Variants in KCNK10 observed in about 807,000 individuals in gnomAD.
KCNK10 encodes potassium channel subfamily K member 10.
In KCNK10, 25 loss-of-function variants were observed where a neutral mutation model predicts 47.7. The observed-to-expected ratio is 0.52, with a 90% CI of 0.38 to 0.73. The LOEUF (loss-of-function observed/expected upper bound fraction) is 0.73. Among genes scored for constraint, KCNK10 ranks in the 30% least tolerant of loss-of-function variants. The pLI, the probability that KCNK10 is intolerant of heterozygous loss-of-function variation, is 0.00. For synonymous variants in KCNK10, 303 were observed against 285.6 expected (o/e 1.06, Z -0.61); for missense variants, 563 against 714.5 (o/e 0.79, Z 2.42).
intron 1 of KCNK10, among the ~76,000 whole-genome samples, chr14:88,268,997 G>T (rs1887340869): frequency 2.0e-5 from 3 of 152,264 alleles, no homozygotes; most frequent in Admixed American, 6.5e-5. Flanking sequence ...AATTAGCCGG[G>T]TATGGTGGCA....
chr14:88,295,653 C>T (rs1024301325), intron 1 of KCNK10, among the ~76,000 whole-genome samples: 9 of 151,942 alleles, frequency 5.9e-5, no homozygotes, highest in African/African-American at 2.2e-4. Context: ...GAGCTAGACT[C>T]CATCTCAAAA....
In KCNK10 at chr14:88,263,315, C is replaced by A; in HGVS notation, c.289G>T (p.Ala97Ser). Residue 97 changes from alanine (A) to serine (S), a missense_variant, in exon 2 of 7, where the codon GCA becomes TCA. Ala to Ser is a moderately conservative substitution (Grantham distance 99). Transcript: ENST00000319231. ...CTGCTCTCAAAGGGCTGCTCCAATG[C>A]CCGGAAGACAAGACCGCCAGTGACA... ...YLVTGGLVFR[A>S]LEQPFESSQK... 6.2e-7 allele frequency: 1 copy of A among 1,614,022 alleles called. No homozygotes were observed. Among genetic ancestry groups the A allele is most frequent in the Non-Finnish European group, 8.5e-7 (1 of 1,180,036 alleles).
intron 1 of KCNK10, among the ~76,000 whole-genome samples, chr14:88,294,587 G>T (rs1439566609): frequency 1.1e-4 from 16 of 152,170 alleles, no homozygotes; most frequent in Non-Finnish European, 2.4e-4. Context: ...AGATACATGG[G>T]TTGATCCAAT....
At chr14:88,225,841 T>C (rs11621575) in intron 4 of KCNK10, among the ~76,000 whole-genome samples, 44,295 of 152,116 alleles carry the variant, frequency 0.29, 7,102 homozygotes, top group East Asian at 0.47. Context: ...ACAGGGCTGC[T>C]ATGTCTGGTT....
rs1887164314 is a variant in KCNK10, at chr14:88,263,306, G to A, written c.298C>T (p.Gln100Ter). 4 of 1,614,024 alleles carry A rather than the reference G, an allele frequency of 2.5e-6. No homozygotes were observed. Among genetic ancestry groups the A allele is most frequent in the Non-Finnish European group, 3.4e-6 (4 of 1,180,040 alleles). The part of the protein sequence containing the change: ...TGGLVFRALE[Q>*]PFESSQKNTI... ...TTCTTCTGGCTGCTCTCAAAGGGCTGCTCCAATGCCCGGAAGACAAGACCG... is the reference window on the plus strand; with the variant it reads ...TTCTTCTGGCTGCTCTCAAAGGGCTACTCCAATGCCCGGAAGACAAGACCG... Residue 100 changes from glutamine (Q) to a stop codon, truncating the protein, a stop_gained, in exon 2 of 7, where the codon CAG becomes TAG. Coordinates refer to ENST00000319231, the MANE Select transcript of KCNK10 (RefSeq NM_138317.3). LOFTEE classifies it high-confidence loss of function.
At chr14:88,244,349 T>C (rs1193169606) in intron 2 of KCNK10, among the ~76,000 whole-genome samples, 1 of 152,182 alleles carries the variant, frequency 6.6e-6, no homozygotes, top group Non-Finnish European at 1.5e-5. Flanking sequence ...AAGTAAAACA[T>C]TTTAAAATTA....
At chr14:88,266,194 T>C (rs901253279) in intron 1 of KCNK10, among the ~76,000 whole-genome samples, 1 of 151,942 alleles carries the variant, frequency 6.6e-6, no homozygotes, top group African/African-American at 2.4e-5. Context: ...GAATAAAGGG[T>C]GGAAGGAATG....
At chr14:88,207,289 C>T (rs1304202197) in intron 4 of KCNK10, among the ~76,000 whole-genome samples, 2 of 151,688 alleles carry the variant, frequency 1.3e-5, no homozygotes, top group East Asian at 2.0e-4. Flanking sequence ...TCTCCTGCCT[C>T]AGCCTCCCGA....
At chr14:88,285,205 G>A (rs185372180) in intron 1 of KCNK10, among the ~76,000 whole-genome samples, 9 of 152,124 alleles carry the variant, frequency 5.9e-5, no homozygotes, top group African/African-American at 1.9e-4. Context: ...TCTGCCTCCC[G>A]GATTCAAGCG....
Position 88,186,232 on chromosome 14 carries a change from G to T in KCNK10, c.1012-77C>A, listed in dbSNP as rs1019286141. 6.8e-7 allele frequency: 1 copy of T among 1,476,514 alleles called. No individual in the cohort carries two copies. Among genetic ancestry groups the T allele is most frequent in the East Asian group, 2.4e-5 (1 of 41,388 alleles). 91.5% of individuals were successfully genotyped at this position (1,476,514 alleles called of 1,614,324 possible). A position where few individuals can be genotyped will look rare whatever the true frequency, so the allele number is the denominator to read the frequency against. ...TGGCCTCCCAGCACCCACAGCCCTC[G>T]GGTGTCCCCACGGGGAGGCCAGGAG... On this transcript the variant is annotated intron_variant, in intron 6 of 6. Coordinates refer to ENST00000319231, the MANE Select transcript of KCNK10 (RefSeq NM_138317.3). This position sits in a 1 kb window ranked among gnomAD's most constrained non-coding sequence, Gnocchi z 5.5.
At chr14:88,273,982 C>G (rs551196598) in intron 1 of KCNK10, among the ~76,000 whole-genome samples, 121 of 152,266 alleles carry the variant, frequency 7.9e-4, no homozygotes, top group African/African-American at 2.8e-3. Context: ...TTCCAGATGT[C>G]TTTCCCAGGT....
At chr14:88,286,617 A>G (rs1033066064) in intron 1 of KCNK10, among the ~76,000 whole-genome samples, 1 of 152,228 alleles carries the variant, frequency 6.6e-6, no homozygotes, top group East Asian at 1.9e-4. Flanking sequence ...AAGAGGCTTA[A>G]TGGACTCACA....
At chr14:88,246,859 T>C (rs1886657141) in intron 2 of KCNK10, among the ~76,000 whole-genome samples, 1 of 152,150 alleles carries the variant, frequency 6.6e-6, no homozygotes, top group South Asian at 2.1e-4. Context: ...GTTGTCAGAG[T>C]TGTCTAAAAA....
intron 1 of KCNK10, among the ~76,000 whole-genome samples, chr14:88,290,271 A>T (rs1377510231): frequency 2.6e-5 from 4 of 152,184 alleles, no homozygotes; most frequent in Non-Finnish European, 5.9e-5. Flanking sequence ...ATGAGCCAAG[A>T]AACATGAGCA....
At position 88,322,770 on chromosome 14, in the gene KCNK10, T is replaced by C; in HGVS notation, c.29A>G (p.Lys10Arg). The stretch of plus-strand genomic sequence containing the variant: ...ACCTTTAGGATCCCAGTTCACCTGT[T>C]TTCTTGGCGTCTCGATTGGAAATTT... MKFPIETPR[K>R]QVNWDPKVAV... The change falls in exon 1 of 7, where the codon AAA (lysine) becomes AGA (arginine). Residue 10 changes from lysine (K) to arginine (R), a missense_variant. Physicochemically the swap from Lys to Arg is conservative, Grantham distance 26 (BLOSUM62 2). Transcript: ENST00000319231. This position sits in a 1 kb window ranked among gnomAD's most constrained non-coding sequence, Gnocchi z 4.8. The C allele has an allele frequency of 6.2e-7, 1 of 1,614,158 alleles. No individual in the cohort carries two copies. The highest frequency in any genetic ancestry group is 8.5e-7 in the Non-Finnish European group (1 of 1,180,020).
intron 4 of KCNK10, among the ~76,000 whole-genome samples, chr14:88,216,412 C>T (rs1312917905): frequency 6.6e-6 from 1 of 152,196 alleles, no homozygotes; most frequent in Non-Finnish European, 1.5e-5. Context: ...TGTCTGGAGA[C>T]ATTTTGGCTG....
intron 1 of KCNK10, among the ~76,000 whole-genome samples, chr14:88,269,010 C>T (rs1186397646): frequency 6.6e-6 from 1 of 152,138 alleles, no homozygotes; most frequent in African/African-American, 2.4e-5. Flanking sequence ...TGGTGGCATG[C>T]ACCTGTAGTC....
At chr14:88,209,500 C>G (rs60129330) in intron 4 of KCNK10, among the ~76,000 whole-genome samples, 1 of 152,222 alleles carries the variant, frequency 6.6e-6, no homozygotes, top group African/African-American at 2.4e-5. Context: ...GAGGAGCCGA[C>G]GAACCTGCCG....
At chr14:88,226,442 G>C (rs1349441714) in intron 4 of KCNK10, among the ~76,000 whole-genome samples, 1 of 152,120 alleles carries the variant, frequency 6.6e-6, no homozygotes, top group Non-Finnish European at 1.5e-5. Context: ...ATCTGCCTTT[G>C]GCCACCATTC....
Sources: gnomAD v4.1 joint callset for allele counts (sites outside exome capture counted in the v4.1 genomes callset) on GRCh38, gnomAD v4.1.1 for gene constraint, Gnocchi (gnomAD v3.1) non-coding constraint, MANE v1.5 for transcripts, NCBI Gene and HGNC (gene_info 2026-07-23, HGNC 2026-07-21) for gene names.